Variants in RAB11FIP2 observed in about 807,000 individuals in gnomAD.
RAB11FIP2 encodes the protein RAB11 family interacting protein 2.
RAB11FIP2 carries 16 observed loss-of-function variants against 40.9 expected under a neutral mutation model. The ratio of observed to expected loss-of-function variants is 0.39; its 90% CI spans 0.26 to 0.59. RAB11FIP2 has a LOEUF of 0.59. RAB11FIP2 is among the 20% of genes least tolerant of loss of function. The probability of loss-of-function intolerance (pLI) is 0.53; values close to 1 mark genes in which losing one functional copy is unlikely to be tolerated. For synonymous variants in RAB11FIP2, 228 were observed against 213.7 expected (o/e 1.07, Z -0.58); for missense variants, 532 against 606.2 (o/e 0.88, Z 1.28).
intron 3 of RAB11FIP2, among the ~76,000 whole-genome samples, chr10:118,037,876 G>A (rs1276595208): frequency 6.6e-6 from 1 of 151,816 alleles, no homozygotes; most frequent in Non-Finnish European, 1.5e-5. Context: ...TATACAAAAT[G>A]GTACAGTATT....
At chr10:118,023,594 C>A (rs1222492750) in intron 3 of RAB11FIP2, among the ~76,000 whole-genome samples, 1 of 152,106 alleles carries the variant, frequency 6.6e-6, no homozygotes, top group Non-Finnish European at 1.5e-5. Context: ...CTTTTATGAG[C>A]TCTCAGAGGC....
chr10:118,040,605 A>G (rs747292118), intron 1 of RAB11FIP2, 40 bp from the exon 2 acceptor site: 2 of 1,402,288 alleles, frequency 1.4e-6, no homozygotes, highest in Non-Finnish European at 1.9e-6. Context: ...AACACATAAT[A>G]GAGAGAGGAT....
intron 3 of RAB11FIP2, among the ~76,000 whole-genome samples, chr10:118,021,530 C>T (rs1464216269): frequency 6.6e-6 from 1 of 152,172 alleles, no homozygotes; most frequent in Non-Finnish European, 1.5e-5. Flanking sequence ...GGACATTCTA[C>T]CATTTTTATT....
At chr10:118,039,584 T>C (rs1339218501) in intron 2 of RAB11FIP2, 144 bp from the exon 3 acceptor site, 20 of 714,102 alleles carry the variant, frequency 2.8e-5, no homozygotes, top group Non-Finnish European at 2.3e-6. Flanking sequence ...AAGGAAACAA[T>C]CTTAAAATGC....
chr10:118,034,370 AAAT>A (rs1317923505), intron 3 of RAB11FIP2, among the ~76,000 whole-genome samples: 3 of 150,466 alleles, frequency 2.0e-5, no homozygotes, highest in Non-Finnish European at 4.5e-5. Flanking sequence ...AAAAAAAAAG[AAAT>A]GAAATGAACA....
chr10:118,019,087 A>G (rs1327648491), intron 3 of RAB11FIP2, among the ~76,000 whole-genome samples: 1 of 152,172 alleles, frequency 6.6e-6, no homozygotes, highest in Non-Finnish European at 1.5e-5. Context: ...TTTATAAGAC[A>G]ATGTAAACCA....
intron 3 of RAB11FIP2, among the ~76,000 whole-genome samples, chr10:118,016,224 C>T (rs893950286): frequency 6.6e-6 from 1 of 152,172 alleles, no homozygotes; most frequent in African/African-American, 2.4e-5. Context: ...AGTGATTGTT[C>T]GCCTTTTCTA....
Position 118,046,353 on chromosome 10 carries a change from G to A in RAB11FIP2, c.-190C>T, listed in dbSNP as rs1564697026. 2 of 591,690 alleles carry A rather than the reference G, an allele frequency of 3.4e-6. No individual in the cohort carries two copies. The highest frequency in any genetic ancestry group is 3.1e-5 in the Admixed American group (1 of 32,478). 36.7% of individuals were successfully genotyped at this position (591,690 alleles called of 1,614,324 possible). The stretch of plus-strand genomic sequence containing the variant: ...CAGCCCAGGGGCACGGCCGCTCCGG[G>A]GGTCCCCTTTCGTCTGGAGAAACAC... On this transcript the variant is annotated 5_prime_UTR_variant, in exon 1 of 5. Transcript: ENST00000355624.
chr10:118,046,214 C>G lies in RAB11FIP2; in HGVS notation c.-51G>C, dbSNP rs1402865746. On this transcript the variant is annotated 5_prime_UTR_variant, in exon 1 of 5. Transcript: ENST00000355624. ...TTCCCTAGCACAGGCAGTGCCCCTC[C>G]CGGAGGGAGAGCCTAATTCCTTAAT... The G allele has an allele frequency of 1.3e-6, 2 of 1,484,670 alleles. No homozygotes were observed. Among genetic ancestry groups the G allele is most frequent in the Admixed American group, 3.5e-5 (2 of 56,456 alleles). 92.0% of individuals were successfully genotyped at this position (1,484,670 alleles called of 1,614,324 possible).
rs1846107118 is a variant in RAB11FIP2, at chr10:118,007,483, T to G, written c.*1515A>C. ...AACCCAAACTATTATATCGGCTTTT[T>G]GTTTAACTTTCAATGGAGTCTTAAC... On this transcript the variant is annotated 3_prime_UTR_variant, in exon 5 of 5. Transcript: ENST00000355624. 1 of 151,824 alleles carries G rather than the reference T, an allele frequency of 6.6e-6. No individual in the cohort carries two copies. Among genetic ancestry groups the G allele is most frequent in the Non-Finnish European group, 1.5e-5 (1 of 67,912 alleles). The allele number at this position is 151,824 out of a possible 1,614,324, so 9.4% of individuals were successfully genotyped here.
intron 3 of RAB11FIP2, 87 bp from the exon 4 acceptor site, chr10:118,015,197 T>C (rs1387170477): frequency 1.3e-5 from 14 of 1,085,440 alleles, no homozygotes; most frequent in Non-Finnish European, 1.9e-5. Context: ...AACATTGTAA[T>C]ACAAATTTCT....
chr10:118,021,041 A>G (rs1846278856), intron 3 of RAB11FIP2, among the ~76,000 whole-genome samples: 1 of 151,952 alleles, frequency 6.6e-6, no homozygotes, highest in Non-Finnish European at 1.5e-5. Flanking sequence ...TTTGTAAATG[A>G]TAATTCACTG....
intron 4 of RAB11FIP2, among the ~76,000 whole-genome samples, 197 bp downstream of exon 4, chr10:118,014,868 C>G (rs1213445730): frequency 6.6e-6 from 1 of 152,102 alleles, no homozygotes; most frequent in Non-Finnish European, 1.5e-5. Context: ...ATAGATCATA[C>G]GAGTCACACC....
intron 3 of RAB11FIP2, among the ~76,000 whole-genome samples, chr10:118,038,600 T>C (rs907701482): frequency 1.4e-4 from 21 of 152,062 alleles, no homozygotes; most frequent in African/African-American, 4.6e-4. Context: ...CCTTTCCAGG[T>C]AGCCCATGAA....
At chr10:118,042,593 A>T (rs920813143) in intron 1 of RAB11FIP2, among the ~76,000 whole-genome samples, 3 of 152,162 alleles carry the variant, frequency 2.0e-5, no homozygotes, top group Non-Finnish European at 4.4e-5. Context: ...AGACAATGCA[A>T]ATTTTCTACT....
rs184218805 is a variant in RAB11FIP2, at chr10:118,039,423, G to A, written c.814C>T (p.His272Tyr). 5.0e-5 allele frequency: 80 copies of A among 1,611,418 alleles called. No individual in the cohort carries two copies. The highest frequency in any genetic ancestry group is 3.3e-4 in the Middle Eastern group (2 of 6,046). Reference protein sequence around the residue: ...VPESGSLKSPHRRTLSFDTSK... With the variant: ...VPESGSLKSPYRRTLSFDTSK... ...GTATCAAAGCTTAATGTTCTTCTGT[G>A]TGGAGATTTGAGACTTCCTACAAAC... Residue 272 changes from histidine (H) to tyrosine (Y), a missense_variant, in exon 3 of 5, where the codon CAC (histidine) becomes TAC (tyrosine). His to Tyr is a moderately conservative substitution (Grantham distance 83, BLOSUM62 2). Coordinates refer to ENST00000355624, the MANE Select transcript of RAB11FIP2 (RefSeq NM_014904.3).
chr10:118,022,354 T>C (rs759615163), intron 3 of RAB11FIP2, among the ~76,000 whole-genome samples: 3 of 152,190 alleles, frequency 2.0e-5, no homozygotes, highest in Non-Finnish European at 2.9e-5. Context: ...GCATACTGAA[T>C]ATGGCGTTCT....
rs545290559 is a variant in RAB11FIP2, at chr10:118,046,273, C to T, written c.-110G>A. The T allele has an allele frequency of 2.6e-4, 255 of 990,076 alleles. No individual in the cohort carries two copies. The highest frequency in any genetic ancestry group is 6.1e-5 in the Non-Finnish European group (40 of 657,718). The allele number at this position is 990,076 out of a possible 1,614,324, so 61.3% of individuals were successfully genotyped here. Reference sequence around the variant, plus strand: ...CCTAAGGACACTTAACGGAAACAGGCAGGCTCAGGGCTCCCCGACTTCCCT... The same window carrying T: ...CCTAAGGACACTTAACGGAAACAGGTAGGCTCAGGGCTCCCCGACTTCCCT... On this transcript the variant is annotated 5_prime_UTR_variant, in exon 1 of 5. Transcript: ENST00000355624.
intron 3 of RAB11FIP2, among the ~76,000 whole-genome samples, chr10:118,028,127 A>C (rs1432306149): frequency 6.6e-6 from 1 of 152,118 alleles, no homozygotes; most frequent in African/African-American, 2.4e-5. Context: ...AGCTTTACAC[A>C]CAACATTTGT....
Sources: allele counts gnomAD v4.1 joint callset (sites outside exome capture counted in the v4.1 genomes callset), GRCh38; gene constraint gnomAD v4.1.1; transcripts MANE v1.5; gene names NCBI Gene and HGNC (gene_info 2026-07-23, HGNC 2026-07-21).